The following BMPR1B variants were observed in gnomAD, a reference collection of about 807,000 sequenced individuals.
BMPR1B encodes the protein bone morphogenetic protein receptor type 1B, also known as bone morphogenetic protein receptor type-1B.
In BMPR1B, 12 loss-of-function variants were observed where a neutral mutation model predicts 59.1. That is an observed-to-expected ratio of 0.20 (90% CI 0.13 to 0.33). The LOEUF (loss-of-function observed/expected upper bound fraction) is 0.33, where lower values mean the gene tolerates loss of function less well. Ranked by LOEUF, BMPR1B falls within the 10% of genes least tolerant of loss-of-function variation. The pLI is 1.00. For missense variants in BMPR1B, 550 were observed against 610.9 expected, an observed-to-expected ratio of 0.90 and a Z score of 1.05; for synonymous variants, 237 against 207.3, an observed-to-expected ratio of 1.14 and a Z score of -1.23.
intron 3 of BMPR1B, among the ~76,000 whole-genome samples, chr4:95,043,843 A>G (rs944812966): frequency 7.2e-5 from 11 of 152,000 alleles, no homozygotes; most frequent in African/African-American, 2.7e-4. Flanking sequence ...ATCAGAAGAT[A>G]TCATCATATC....
intron 2 of BMPR1B, among the ~76,000 whole-genome samples, chr4:94,899,907 A>G (rs1234196685): frequency 6.6e-6 from 1 of 152,094 alleles, no homozygotes; most frequent in East Asian, 1.9e-4. Flanking sequence ...TTATAGTTTC[A>G]GGTATATATT....
intron 2 of BMPR1B, among the ~76,000 whole-genome samples, chr4:94,938,249 G>A (rs1192398886): frequency 1.3e-5 from 2 of 152,056 alleles, no homozygotes; most frequent in African/African-American, 2.4e-5. Flanking sequence ...GAAATAAGAA[G>A]TGCTTGGGAG....
Position 95,154,677 on chromosome 4 carries a change from G to A in BMPR1B, c.*4G>A, listed in dbSNP as rs1735284805. On this transcript the variant is annotated 3_prime_UTR_variant, in exon 13 of 13. Coordinates refer to ENST00000515059, the MANE Select transcript of BMPR1B (RefSeq NM_001203.3). ...GTCCCAGGACATTAAACTCTGATAG[G>A]AGAGGAAAAGTAAGCATCTCTGCAG... 2 of 1,613,996 alleles carry A rather than the reference G, an allele frequency of 1.2e-6. No homozygotes were observed. The highest frequency in any genetic ancestry group is 1.7e-6 in the Non-Finnish European group (2 of 1,179,914).
intron 2 of BMPR1B, among the ~76,000 whole-genome samples, chr4:94,905,059 A>T (rs1394124756): frequency 1.3e-5 from 2 of 152,050 alleles, no homozygotes; most frequent in African/African-American, 4.8e-5. Flanking sequence ...TTGAAAATAG[A>T]TGTCTTCATT....
chr4:95,120,449 T>C (rs1732390876), intron 6 of BMPR1B, among the ~76,000 whole-genome samples: 1 of 152,114 alleles, frequency 6.6e-6, no homozygotes, highest in Admixed American at 6.6e-5. Flanking sequence ...ATAAAAGGCA[T>C]CCTTATGAAA....
At chr4:94,831,922 T>C (rs1724610631) in intron 1 of BMPR1B, among the ~76,000 whole-genome samples, 1 of 152,202 alleles carries the variant, frequency 6.6e-6, no homozygotes, top group Non-Finnish European at 1.5e-5. Context: ...TATGAGAATA[T>C]ACTACCTGAT....
In BMPR1B at chr4:94,772,658, C is replaced by G. The variant is rs75031126; in HGVS notation, c.-183+14590C>G. 7.8e-3 allele frequency among the ~76,000 whole-genome samples: 1,190 copies of G among 152,090 alleles called. 13 individuals are homozygous for G. Among genetic ancestry groups the G allele is most frequent in the African/African-American group, 0.028 (1,146 of 41,488 alleles). Reference sequence around the variant, plus strand: ...TAATTTGTAACAAATAGAAAGCTTCCTTAGTGACTCCTTAGATTCCAAAAT... The same window carrying G: ...TAATTTGTAACAAATAGAAAGCTTCGTTAGTGACTCCTTAGATTCCAAAAT... On this transcript the variant is annotated intron_variant, in intron 1 of 12. Transcript: ENST00000515059.
chr4:95,106,415 C>T (rs1731203186), intron 4 of BMPR1B, among the ~76,000 whole-genome samples: 1 of 151,952 alleles, frequency 6.6e-6, no homozygotes, highest in Non-Finnish European at 1.5e-5. Context: ...AAAATCAGTT[C>T]ATGTGCAAGA....
At chr4:95,097,806 G>C (rs1282120513) in intron 3 of BMPR1B, among the ~76,000 whole-genome samples, 1 of 152,116 alleles carries the variant, frequency 6.6e-6, no homozygotes, top group Non-Finnish European at 1.5e-5. Flanking sequence ...AAAGTGCTGG[G>C]ATTACAAGTG....
At chr4:95,020,586 A>C (rs1189185794) in intron 3 of BMPR1B, among the ~76,000 whole-genome samples, 1 of 152,172 alleles carries the variant, frequency 6.6e-6, no homozygotes, top group Non-Finnish European at 1.5e-5. Context: ...TCAAAAAAAA[A>C]AAAAAAAAAG....
intron 3 of BMPR1B, among the ~76,000 whole-genome samples, chr4:95,089,739 GA>G (rs1729842393): frequency 1.3e-5 from 2 of 152,136 alleles, no homozygotes; most frequent in South Asian, 4.1e-4. Flanking sequence ...TTTCTGCCCA[GA>G]ATTCAACAAG....
At chr4:94,765,584 GACA>G (rs1160925917) in intron 1 of BMPR1B, among the ~76,000 whole-genome samples, 1 of 152,148 alleles carries the variant, frequency 6.6e-6, no homozygotes, top group Non-Finnish European at 1.5e-5. Context: ...AAAATTAAAT[GACA>G]ACAGAGAGGG....
chr4:94,974,850 A>C (rs982404682), intron 2 of BMPR1B, among the ~76,000 whole-genome samples: 1 of 152,152 alleles, frequency 6.6e-6, no homozygotes, highest in Non-Finnish European at 1.5e-5. Context: ...TCCCAAACAC[A>C]CAAATAGACA....
intron 3 of BMPR1B, among the ~76,000 whole-genome samples, chr4:95,026,098 A>ATTTTCTTTC (rs1553928440): frequency 3.0e-5 from 3 of 101,622 alleles, no homozygotes; most frequent in South Asian, 7.6e-4. Flanking sequence ...GCTTTCTTTC[A>ATTTTCTTTC]TTTCTTTCTT....
intron 2 of BMPR1B, among the ~76,000 whole-genome samples, chr4:94,889,492 T>A (rs1038952748): frequency 6.6e-6 from 1 of 152,132 alleles, no homozygotes; most frequent in Non-Finnish European, 1.5e-5. Context: ...GTTCTCTCTG[T>A]ACTGCTGTAG....
chr4:95,021,922 G>A (rs1724017391), intron 3 of BMPR1B, among the ~76,000 whole-genome samples: 1 of 152,186 alleles, frequency 6.6e-6, no homozygotes, highest in Non-Finnish European at 1.5e-5. Flanking sequence ...ACTTACGTGA[G>A]CAGTGGGAAA....
chr4:94,762,930 T>C (rs28463294), intron 1 of BMPR1B, among the ~76,000 whole-genome samples: 2 of 151,704 alleles, frequency 1.3e-5, no homozygotes, highest in Non-Finnish European at 2.9e-5. Context: ...ACTGGTTCAA[T>C]AGTTACTTTT....
intron 1 of BMPR1B, among the ~76,000 whole-genome samples, chr4:94,778,475 C>A (rs1023240549): frequency 1.6e-4 from 24 of 152,028 alleles, no homozygotes; most frequent in African/African-American, 5.6e-4. Context: ...ATTTATTTTT[C>A]CATTTACTTC....
At chr4:94,988,415 T>A (rs1721541018) in intron 2 of BMPR1B, among the ~76,000 whole-genome samples, 1 of 152,138 alleles carries the variant, frequency 6.6e-6, no homozygotes, top group Non-Finnish European at 1.5e-5. Context: ...ACATAGTTGT[T>A]TTATTATTGG....
Sources: allele counts gnomAD v4.1 joint callset (sites outside exome capture counted in the v4.1 genomes callset), GRCh38; gene constraint gnomAD v4.1.1; transcripts MANE v1.5; gene names NCBI Gene and HGNC (gene_info 2026-07-23, HGNC 2026-07-21).